The following SMARCA2 variants were observed in gnomAD, a reference collection of about 807,000 sequenced individuals.
SMARCA2 encodes the protein SWI/SNF-related matrix-associated actin-dependent regulator of chromatin subfamily A member 2.
SMARCA2 carries 61 observed loss-of-function variants against 199.8 expected under a neutral mutation model. The observed-to-expected ratio is 0.31, with a 90% CI of 0.25 to 0.38. SMARCA2 has a LOEUF of 0.38. Ranked by LOEUF, SMARCA2 falls within the 10% of genes least tolerant of loss-of-function variation. The pLI, the probability that SMARCA2 is intolerant of heterozygous loss-of-function variation, is 1.00. For synonymous variants in SMARCA2, 935 were observed against 732.0 expected, an observed-to-expected ratio of 1.28 and a Z score of -4.48; for missense variants, 1,344 against 2,012.2, an observed-to-expected ratio of 0.67 and a Z score of 6.35.
Position 2,058,467 on chromosome 9 carries a change from A to G in SMARCA2, c.1521+3A>G, listed in dbSNP as rs1010614763. ...AGGAGAGAATGCGGCGACTGATGGT[A>G]AGGAACTCCCTGCAGGAGCCCAGGA... On this transcript the variant is annotated splice_donor_region_variant and intron_variant, in intron 8 of 33. Coordinates refer to ENST00000349721, the MANE Select transcript of SMARCA2 (RefSeq NM_003070.5). 3.7e-6 allele frequency: 6 copies of G among 1,613,560 alleles called. No homozygotes were observed. Among genetic ancestry groups the G allele is most frequent in the Non-Finnish European group, 5.1e-6 (6 of 1,179,652 alleles).
chr9:2,124,549 C>T (rs1165820899), intron 27 of SMARCA2, among the ~76,000 whole-genome samples: 3 of 152,116 alleles, frequency 2.0e-5, no homozygotes, highest in African/African-American at 2.4e-5. Flanking sequence ...AGCACAGAAT[C>T]GGTGGGTGCT....
Position 2,169,252 on chromosome 9 carries a change from C to G in SMARCA2, c.4200-1167C>G, listed in dbSNP as rs183308873. 2.5e-4 allele frequency among the ~76,000 whole-genome samples: 38 copies of G among 152,302 alleles called. No homozygotes were observed. Among genetic ancestry groups the G allele is most frequent in the African/African-American group, 5.1e-4 (21 of 41,568 alleles). Reference sequence around the variant, plus strand: ...GCAGGGTGGACTGCGTGCCCTGCCTCCAGTCTCTTCCTGTCCTGGCTTCTT... The same window carrying G: ...GCAGGGTGGACTGCGTGCCCTGCCTGCAGTCTCTTCCTGTCCTGGCTTCTT... On this transcript the variant is annotated intron_variant, in intron 28 of 33. Coordinates refer to ENST00000349721, the MANE Select transcript of SMARCA2 (RefSeq NM_003070.5). The surrounding 1 kb of genome is among the most constrained non-coding windows in gnomAD (Gnocchi z 6.5).
At chr9:2,093,952 G>C (rs1436811597) in intron 19 of SMARCA2, among the ~76,000 whole-genome samples, 1 of 152,188 alleles carries the variant, frequency 6.6e-6, no homozygotes, top group East Asian at 1.9e-4. Context: ...GCTTCAGCAT[G>C]TCTTCTTGTT....
intron 9 of SMARCA2, among the ~76,000 whole-genome samples, chr9:2,070,180 A>G (rs576506229): frequency 6.6e-6 from 1 of 152,274 alleles, no homozygotes; most frequent in East Asian, 1.9e-4. Flanking sequence ...ACAATCTACA[A>G]ATCTCTAGTG....
chr9:2,047,585 G>C lies in SMARCA2; in HGVS notation c.1046+101G>C, dbSNP rs1006507630. ...CTGCCTCCTTGGTTGGCCAAACTGTGATTTTCACCCGTGCGGTCGGAAAAC... is the reference window on the plus strand; with the variant it reads ...CTGCCTCCTTGGTTGGCCAAACTGTCATTTTCACCCGTGCGGTCGGAAAAC... On this transcript the variant is annotated intron_variant, in intron 5 of 33. Coordinates refer to ENST00000349721, the MANE Select transcript of SMARCA2 (RefSeq NM_003070.5). The C allele has an allele frequency of 3.4e-6, 4 of 1,178,774 alleles. No homozygotes were observed. The African/African-American group carries it at 4.9e-5, about 14-fold the overall frequency. The allele number at this position is 1,178,774 out of a possible 1,614,324, so 73.0% of individuals were successfully genotyped here. A position where few individuals can be genotyped will look rare whatever the true frequency, so the allele number is the denominator to read the frequency against.
chr9:2,159,507 A>T (rs773717202), intron 27 of SMARCA2: 430 of 235,440 alleles, frequency 1.8e-3, no homozygotes, highest in Non-Finnish European at 3.0e-3. Flanking sequence ...TTAATTTTTT[A>T]AAATAAATTT....
intron 32 of SMARCA2, among the ~76,000 whole-genome samples, chr9:2,189,182 TGAG>T (rs753186506): frequency 2.6e-5 from 4 of 152,154 alleles, no homozygotes; most frequent in African/African-American, 7.2e-5. Context: ...GGACATCTTG[TGAG>T]GAGATGATAT....
At chr9:2,143,249 CT>C (rs1283887502) in intron 27 of SMARCA2, among the ~76,000 whole-genome samples, 1 of 152,176 alleles carries the variant, frequency 6.6e-6, no homozygotes, top group African/African-American at 2.4e-5. Flanking sequence ...TACGTGACCC[CT>C]GCTTACTGTG....
At chr9:2,028,163 G>C (rs1818913621) in intron 1 of SMARCA2, among the ~76,000 whole-genome samples, 2 of 152,226 alleles carry the variant, frequency 1.3e-5, no homozygotes, top group Non-Finnish European at 2.9e-5. Context: ...CCAGAGCCAG[G>C]TCTGGGACAA....
In SMARCA2 at chr9:2,057,888, G is replaced by C. The variant is rs376257328; in HGVS notation, c.1348-403G>C. ...GTCATACTCTAGGGTAGTTAGAGCAGAAAAACATTACTTTTGTGACATACT... is the reference window on the plus strand; with the variant it reads ...GTCATACTCTAGGGTAGTTAGAGCACAAAAACATTACTTTTGTGACATACT... On this transcript the variant is annotated intron_variant, in intron 7 of 33. Coordinates refer to ENST00000349721, the MANE Select transcript of SMARCA2 (RefSeq NM_003070.5). Among the ~76,000 whole-genome samples, 200 of 152,314 alleles carry C rather than the reference G, an allele frequency of 1.3e-3. 1 individual carries two copies. The highest frequency in any genetic ancestry group is 0.011 in the South Asian group (52 of 4,828).
intron 10 of SMARCA2, among the ~76,000 whole-genome samples, chr9:2,072,504 C>A (rs969281834): frequency 6.6e-6 from 1 of 151,944 alleles, no homozygotes; most frequent in Admixed American, 6.6e-5. Flanking sequence ...TGGGTTAGAC[C>A]CCTGGGGGGT....
chr9:2,076,611 C>G (rs567402782), intron 13 of SMARCA2, among the ~76,000 whole-genome samples: 1 of 152,050 alleles, frequency 6.6e-6, no homozygotes, highest in Admixed American at 6.6e-5. Flanking sequence ...CAGGCTCACT[C>G]CTGAGCCTCA....
intron 10 of SMARCA2, among the ~76,000 whole-genome samples, chr9:2,072,614 A>G (rs1456887104): frequency 1.3e-5 from 2 of 152,252 alleles, no homozygotes; most frequent in Non-Finnish European, 2.9e-5. Context: ...TCTCTCTGAA[A>G]CCATGACTTT....
intron 27 of SMARCA2, among the ~76,000 whole-genome samples, chr9:2,145,048 C>G (rs1824666053): frequency 6.6e-6 from 1 of 152,118 alleles, no homozygotes; most frequent in African/African-American, 2.4e-5. Context: ...GCCTGTAATC[C>G]CAGCATTTTG....
chr9:2,179,900 C>T (rs1826896353), intron 29 of SMARCA2, among the ~76,000 whole-genome samples: 2 of 152,192 alleles, frequency 1.3e-5, no homozygotes, highest in Admixed American at 1.3e-4. Context: ...CTACAAATTA[C>T]TCTCACTGCA....
chr9:2,042,357 A>C (rs1819642995), intron 4 of SMARCA2: 1 of 152,190 alleles, frequency 6.6e-6, no homozygotes, highest in Non-Finnish European at 1.5e-5. Context: ...GATCTGCTAT[A>C]CCTCACAGTT....
chr9:2,179,982 A>G (rs1429657207), intron 29 of SMARCA2, among the ~76,000 whole-genome samples: 2 of 152,220 alleles, frequency 1.3e-5, no homozygotes, highest in Non-Finnish European at 2.9e-5. Context: ...AAAAGAACAG[A>G]CCAGAAATTG....
chr9:2,040,042 C>A, intron 4 of SMARCA2, 142 bp downstream of exon 4: 1 of 1,429,938 alleles, frequency 7.0e-7, no homozygotes. Flanking sequence ...CCTTGCTCCA[C>A]TTAGATGGCC....
intron 5 of SMARCA2, among the ~76,000 whole-genome samples, chr9:2,048,689 A>G (rs1819989007): frequency 6.6e-6 from 1 of 152,210 alleles, no homozygotes. Flanking sequence ...GAAGAATATA[A>G]CTTTATTCTC....
Sources: allele counts gnomAD v4.1 joint callset (sites outside exome capture counted in the v4.1 genomes callset), GRCh38; gene constraint gnomAD v4.1.1; non-coding constraint Gnocchi (gnomAD v3.1); transcripts MANE v1.5; gene names NCBI Gene and HGNC (gene_info 2026-07-23, HGNC 2026-07-21).